PXDNL: variants seen among roughly 807,000 people sequenced by gnomAD.
The protein encoded by PXDNL is peroxidasin like, also known as probable oxidoreductase PXDNL.
A neutral mutation model predicts 150.8 loss-of-function variants in PXDNL; 145 were observed. The observed-to-expected ratio is 0.96, with a 90% CI of 0.84 to 1.10. The LOEUF is 1.10. PXDNL is among the 50% of genes least tolerant of loss of function. PXDNL has a pLI of 0.00. For missense variants in PXDNL, 2,087 were observed against 1,873.9 expected (o/e 1.11, Z -2.10); for synonymous variants, 757 against 725.7 (o/e 1.04, Z -0.69).
chr8:51,623,276 G>C (rs1376234394), intron 2 of PXDNL, among the ~76,000 whole-genome samples: 3 of 152,146 alleles, frequency 2.0e-5, no homozygotes, highest in Non-Finnish European at 4.4e-5. Flanking sequence ...GTCTGATGTT[G>C]GCACCACCCC....
At chr8:51,701,012 C>A (rs1441194869) in intron 1 of PXDNL, among the ~76,000 whole-genome samples, 1 of 151,914 alleles carries the variant, frequency 6.6e-6, no homozygotes, top group Non-Finnish European at 1.5e-5. Flanking sequence ...CAGAGATGCA[C>A]ACACAGATAC....
chr8:51,368,781 A>T (rs1397096807), intron 19 of PXDNL, among the ~76,000 whole-genome samples: 1 of 152,126 alleles, frequency 6.6e-6, no homozygotes, highest in Non-Finnish European at 1.5e-5. Flanking sequence ...AGATCACTTG[A>T]GATCAGGAGT....
Position 51,345,911 on chromosome 8 carries a change from T to G in PXDNL, c.3938A>C (p.Gln1313Pro). Residue 1313 changes from glutamine (Q) to proline (P), a missense_variant, in exon 20 of 23, where the codon CAA (glutamine) becomes CCA (proline). Physicochemically the swap from Gln to Pro is moderately conservative, Grantham distance 76. Transcript: ENST00000356297. ...RSRGQFRAVT[Q>P]ESQKKRSAQY... ...AGCTGAGCGTTTCTTTTGAGACTCT[T>G]GCGTCACTGCTCTGAACTGTCCTCT... 1 of 1,613,750 alleles carries G rather than the reference T, an allele frequency of 6.2e-7. No individual in the cohort carries two copies. The highest frequency in any genetic ancestry group is 8.5e-7 in the Non-Finnish European group (1 of 1,179,658).
intron 2 of PXDNL, among the ~76,000 whole-genome samples, chr8:51,639,940 C>T (rs146236450): frequency 0.39 from 59,077 of 151,556 alleles, 14,261 homozygotes; most frequent in African/African-American, 0.69. Flanking sequence ...TGAACATTGA[C>T]GCAAAAATCC....
At chr8:51,682,845 T>A (rs1433778223) in intron 1 of PXDNL, among the ~76,000 whole-genome samples, 1 of 151,930 alleles carries the variant, frequency 6.6e-6, no homozygotes, top group Non-Finnish European at 1.5e-5. Flanking sequence ...AAGGGATTGC[T>A]GGGCCCCACC....
intron 8 of PXDNL, among the ~76,000 whole-genome samples, chr8:51,466,098 A>G (rs1039208611): frequency 6.6e-6 from 1 of 152,170 alleles, no homozygotes; most frequent in Non-Finnish European, 1.5e-5. Flanking sequence ...AGCCAAAGCA[A>G]TTCTAAGCAA....
At chr8:51,697,610 T>C (rs969680042) in intron 1 of PXDNL, among the ~76,000 whole-genome samples, 3 of 152,084 alleles carry the variant, frequency 2.0e-5, no homozygotes, top group African/African-American at 7.2e-5. Flanking sequence ...CACACACATA[T>C]TAAGCAAAGA....
At chr8:51,444,056 A>T (rs1179922543) in intron 12 of PXDNL, among the ~76,000 whole-genome samples, 1 of 152,210 alleles carries the variant, frequency 6.6e-6, no homozygotes, top group Admixed American at 6.5e-5. Context: ...CACACAAACT[A>T]CTGAAAGTAT....
intron 1 of PXDNL, among the ~76,000 whole-genome samples, chr8:51,744,977 A>G (rs1480800502): frequency 0.19 from 7,170 of 37,036 alleles, 713 homozygotes; most frequent in South Asian, 0.36. Context: ...AGAAAGAAAG[A>G]AAGAAAGAAA....
At chr8:51,738,561 G>GCACA (rs144015105) in intron 1 of PXDNL, among the ~76,000 whole-genome samples, 1 of 149,362 alleles carries the variant, frequency 6.7e-6, no homozygotes, top group African/African-American at 2.5e-5. Context: ...GGAAACACAC[G>GCACA]CACACACACA....
chr8:51,500,323 C>A (rs1228256344), intron 4 of PXDNL, among the ~76,000 whole-genome samples: 9 of 152,172 alleles, frequency 5.9e-5, no homozygotes, highest in Non-Finnish European at 1.3e-4. Flanking sequence ...AGGAATTAGA[C>A]TTTTTCAGAC....
Position 51,408,601 on chromosome 8 carries a change from T to C in PXDNL, c.3023A>G (p.Glu1008Gly). 1 of 1,611,784 alleles carries C rather than the reference T, an allele frequency of 6.2e-7. No homozygotes were observed. The highest frequency in any genetic ancestry group is 8.5e-7 in the Non-Finnish European group (1 of 1,179,056). ...GTGGCTGTAGGTGATGTGCTGCAGC[T>C]CCGCGCCCACGATCTTCCTGGCTTC... ...YQEARKIVGA[E>G]LQHITYSHWL... Residue 1008 changes from glutamate to glycine, a missense_variant, in exon 17 of 23, where the codon GAG becomes GGG. Glu to Gly is a moderately conservative substitution (Grantham distance 98). Coordinates refer to ENST00000356297, the MANE Select transcript of PXDNL (RefSeq NM_144651.5).
chr8:51,391,238 G>T (rs368076902), intron 17 of PXDNL, among the ~76,000 whole-genome samples: 1 of 152,102 alleles, frequency 6.6e-6, no homozygotes, highest in East Asian at 1.9e-4. Flanking sequence ...ATGATTTATA[G>T]TCCTTTGGGT....
At chr8:51,560,860 G>A (rs189448826) in intron 3 of PXDNL, among the ~76,000 whole-genome samples, 75 of 151,532 alleles carry the variant, frequency 4.9e-4, no homozygotes, top group Admixed American at 3.4e-3. Flanking sequence ...CAGAATGGAC[G>A]AAAATATTTG....
intron 1 of PXDNL, among the ~76,000 whole-genome samples, chr8:51,709,292 T>C (rs191862745): frequency 1.3e-5 from 2 of 152,088 alleles, no homozygotes; most frequent in Non-Finnish European, 2.9e-5. Flanking sequence ...TCTCACTCTG[T>C]TGCCCAGGCT....
At chr8:51,593,729 A>T (rs554355279) in intron 2 of PXDNL, among the ~76,000 whole-genome samples, 1 of 152,312 alleles carries the variant, frequency 6.6e-6, no homozygotes, top group African/African-American at 2.4e-5. Flanking sequence ...ACAGCATCTG[A>T]AGTGGCTGAC....
At chr8:51,526,347 C>CT (rs1318790856) in intron 4 of PXDNL, among the ~76,000 whole-genome samples, 71 of 134,044 alleles carry the variant, frequency 5.3e-4, no homozygotes, top group Admixed American at 2.8e-3. Flanking sequence ...GTTTTTTTTT[C>CT]TTTTTTTTTT....
At chr8:51,511,454 C>T (rs1811416140) in intron 4 of PXDNL, among the ~76,000 whole-genome samples, 1 of 152,196 alleles carries the variant, frequency 6.6e-6, no homozygotes, top group Non-Finnish European at 1.5e-5. Context: ...CCAGTGCAGG[C>T]CTCTTTGTGA....
chr8:51,408,634 A>G lies in PXDNL; in HGVS notation c.2990T>C (p.Val997Ala), dbSNP rs536430275. 1 of 1,608,482 alleles carries G rather than the reference A, an allele frequency of 6.2e-7. No individual in the cohort carries two copies. Among genetic ancestry groups the G allele is most frequent in the Non-Finnish European group, 8.5e-7 (1 of 1,177,390 alleles). ...CACGATCTTCCTGGCTTCCTGGTAA[A>G]CCGTGTTTCCCTCCCAGTGGGGGTT... ...ALNPHWEGNTVYQEARKIVGA... is the reference protein window; with the variant it reads ...ALNPHWEGNTAYQEARKIVGA... The change falls in exon 17 of 23, where the codon GTT becomes GCT. Residue 997 changes from valine to alanine, a missense_variant. Val to Ala is a moderately conservative substitution (Grantham distance 64, BLOSUM62 0). Coordinates refer to ENST00000356297, the MANE Select transcript of PXDNL (RefSeq NM_144651.5).
Sources: gnomAD v4.1 joint callset for allele counts (sites outside exome capture counted in the v4.1 genomes callset) on GRCh38, gnomAD v4.1.1 for gene constraint, MANE v1.5 for transcripts, NCBI Gene and HGNC (gene_info 2026-07-23, HGNC 2026-07-21) for gene names.